Variants in TMEM156 observed in about 807,000 individuals in gnomAD.
The protein encoded by TMEM156 is transmembrane protein 156.
Under a neutral mutation model 30.5 loss-of-function variants are expected in TMEM156, and 28 were observed. The ratio of observed to expected loss-of-function variants is 0.92; its 90% CI spans 0.68 to 1.26. The LOEUF is 1.26. TMEM156 is among the 50% of genes most tolerant of loss of function. The pLI is 0.00. For synonymous variants in TMEM156, 137 were observed against 119.9 expected, an observed-to-expected ratio of 1.14 and a Z score of -0.93; for missense variants, 351 against 340.6, an observed-to-expected ratio of 1.03 and a Z score of -0.24.
intron 1 of TMEM156, among the ~76,000 whole-genome samples, chr4:39,016,129 C>T (rs557718612): frequency 1.3e-5 from 2 of 152,260 alleles, no homozygotes; most frequent in African/African-American, 4.8e-5. Context: ...TAATCCAGCA[C>T]TTTGGGAGGC....
intron 1 of TMEM156, among the ~76,000 whole-genome samples, chr4:39,008,527 A>G (rs1284390405): frequency 1.3e-5 from 2 of 152,078 alleles, no homozygotes; most frequent in South Asian, 2.1e-4. Context: ...TCAAAGTTCT[A>G]TGTCTATATT....
At chr4:38,978,038 T>C (rs1018486553) in intron 5 of TMEM156, among the ~76,000 whole-genome samples, 17 of 152,240 alleles carry the variant, frequency 1.1e-4, no homozygotes, top group African/African-American at 4.1e-4. Flanking sequence ...CACTGAGTAC[T>C]GGAAACTTGC....
At position 39,032,301 on chromosome 4, in the gene TMEM156, C is replaced by T; in HGVS notation, c.13G>A (p.Ala5Thr). Residue 5 changes from alanine to threonine, a missense_variant, in exon 1 of 7, where the codon GCC (alanine) becomes ACC (threonine). Coordinates refer to ENST00000381938, the MANE Select transcript of TMEM156 (RefSeq NM_024943.3). ...ATTGCCACAAATAATTTAAGGAGGG[C>T]TGTTTTTGTCATGTCTCTTCACATG... MTKT[A>T]LLKLFVAIVI... The T allele has an allele frequency of 6.2e-7, 1 of 1,606,796 alleles. No homozygotes were observed. The highest frequency in any genetic ancestry group is 8.5e-7 in the Non-Finnish European group (1 of 1,175,322).
intron 5 of TMEM156, among the ~76,000 whole-genome samples, chr4:38,983,476 G>A (rs951151366): frequency 2.0e-5 from 3 of 152,180 alleles, no homozygotes; most frequent in Admixed American, 2.0e-4. Context: ...TCGGCTCACT[G>A]CAGCCTCGAC....
At chr4:38,994,561 T>G (rs1251126897) in intron 2 of TMEM156, among the ~76,000 whole-genome samples, 1 of 152,228 alleles carries the variant, frequency 6.6e-6, no homozygotes, top group Admixed American at 6.5e-5. Flanking sequence ...CTGTATTGTG[T>G]GACCAATATG....
Position 39,018,455 on chromosome 4 carries a change from A to T in TMEM156, c.88+13771T>A, listed in dbSNP as rs114302754. Among the ~76,000 whole-genome samples the T allele has an allele frequency of 1.8e-3, 272 of 152,186 alleles. 2 individuals are homozygous for T. Among genetic ancestry groups the T allele is most frequent in the Admixed American group, 2.6e-3 (39 of 15,284 alleles). ...TTTTTTCCCTGCCATTTCTTCTTGC[A>T]TCTCTGCCCTTCCTTCTGGGATTAC... On this transcript the variant is annotated intron_variant, in intron 1 of 6. Coordinates refer to ENST00000381938, the MANE Select transcript of TMEM156 (RefSeq NM_024943.3).
At chr4:38,973,341 G>A (rs1292193041) in intron 5 of TMEM156, among the ~76,000 whole-genome samples, 1 of 152,066 alleles carries the variant, frequency 6.6e-6, no homozygotes, top group Non-Finnish European at 1.5e-5. Context: ...TCCTCTTCAA[G>A]AACATGATAC....
At chr4:39,020,171 T>A (rs1714765801) in intron 1 of TMEM156, among the ~76,000 whole-genome samples, 1 of 152,244 alleles carries the variant, frequency 6.6e-6, no homozygotes, top group African/African-American at 2.4e-5. Context: ...TTATCTTGTG[T>A]ATATGTACCA....
intron 1 of TMEM156, among the ~76,000 whole-genome samples, chr4:39,027,776 A>C (rs1272148535): frequency 1.8e-5 from 1 of 56,096 alleles, no homozygotes; most frequent in African/African-American, 5.8e-5. Context: ...TTTTTTTTTG[A>C]GAAGAAGTCT....
At chr4:38,993,551 G>A (rs1003792257) in intron 3 of TMEM156, among the ~76,000 whole-genome samples, 187 bp downstream of exon 3, 13 of 151,994 alleles carry the variant, frequency 8.6e-5, no homozygotes, top group Admixed American at 8.5e-4. Flanking sequence ...TTACAGGTAG[G>A]CCCCATAAAA....
chr4:39,024,543 G>A (rs560754957), intron 1 of TMEM156, among the ~76,000 whole-genome samples: 1 of 152,294 alleles, frequency 6.6e-6, no homozygotes, highest in South Asian at 2.1e-4. Context: ...GATGGAGCTG[G>A]AGGCCATTAT....
chr4:38,980,204 A>C (rs1000187892), intron 5 of TMEM156, among the ~76,000 whole-genome samples: 1 of 151,638 alleles, frequency 6.6e-6, no homozygotes, highest in African/African-American at 2.4e-5. Context: ...AAAAAAAAAA[A>C]ATCTTGAACT....
At chr4:38,979,358 G>C (rs755585191) in intron 5 of TMEM156, among the ~76,000 whole-genome samples, 1 of 152,236 alleles carries the variant, frequency 6.6e-6, no homozygotes, top group Non-Finnish European at 1.5e-5. Context: ...GCACAACCAA[G>C]ATCACTTCCC....
rs1406519839 is a variant in TMEM156 at position 39,022,672 on chromosome 4, A to T, written c.88+9554T>A. 3.3e-5 allele frequency among the ~76,000 whole-genome samples: 5 copies of T among 152,222 alleles called. No individual in the cohort carries two copies. The East Asian group carries it at 7.7e-4, about 23-fold the overall frequency. ...ATCCGTTGACCTCTACCAATAAGTG[A>T]AAACTTATTTGTAGAATATCTTTCC... On this transcript the variant is annotated intron_variant, in intron 1 of 6. Transcript: ENST00000381938.
At position 39,020,609 on chromosome 4, in the gene TMEM156, T is replaced by C. The variant is rs549512678; in HGVS notation, c.88+11617A>G. On this transcript the variant is annotated intron_variant, in intron 1 of 6. Transcript: ENST00000381938. ...ACTCTGTCACCAGGCTGGAGTGAAG[T>C]GGCATGATCTCGGCTCACTGCAACC... 4.2e-4 allele frequency among the ~76,000 whole-genome samples: 64 copies of C among 152,190 alleles called. 1 individual carries two copies. The highest frequency in any genetic ancestry group is 1.4e-3 in the African/African-American group (60 of 41,526).
At chr4:38,980,822 G>A in intron 5 of TMEM156, 2 of 629,102 alleles carry the variant, frequency 3.2e-6, no homozygotes, top group Non-Finnish European at 4.0e-6. Flanking sequence ...GAGGCGGGAT[G>A]GTTCAGGCAG....
chr4:38,998,680 T>C lies in TMEM156; in HGVS notation c.318A>G (p.Lys106=). 6.2e-7 allele frequency: 1 copy of C among 1,613,104 alleles called. No individual in the cohort carries two copies. The highest frequency in any genetic ancestry group is 8.5e-7 in the Non-Finnish European group (1 of 1,179,384). The change falls in exon 2 of 7, where the codon AAA becomes AAG. Residue 106 remains lysine, a synonymous_variant. Transcript: ENST00000381938. ...CCTGAGAAATAAAATCCATGTTTCC[T>C]TTAGACTCACAAACCAAACACGAGG... ...MCSSCLVCES[K]GNMDFISQEQ... is the part of the protein sequence containing the mutation.
At chr4:38,969,764 TG>T (rs1293169925) in intron 6 of TMEM156, among the ~76,000 whole-genome samples, 2 of 152,084 alleles carry the variant, frequency 1.3e-5, no homozygotes, top group African/African-American at 4.8e-5. Context: ...GGCTAATTTT[TG>T]TATTTTTTGT....
At chr4:38,979,296 G>A (rs1452411091) in intron 5 of TMEM156, among the ~76,000 whole-genome samples, 2 of 152,206 alleles carry the variant, frequency 1.3e-5, no homozygotes, top group East Asian at 1.9e-4. Context: ...GCAGGGTCCT[G>A]GCCTTGCCCC....
Sources: allele counts gnomAD v4.1 joint callset (sites outside exome capture counted in the v4.1 genomes callset), GRCh38; gene constraint gnomAD v4.1.1; transcripts MANE v1.5; gene names NCBI Gene and HGNC (gene_info 2026-07-23, HGNC 2026-07-21).